The following MMS19 variants were observed in gnomAD, a reference collection of about 807,000 sequenced individuals.
MMS19 encodes MMS19 cytosolic iron-sulfur assembly component.
In MMS19, 77 loss-of-function variants were observed where a neutral mutation model predicts 129.8. The ratio of observed to expected loss-of-function variants is 0.59; its 90% CI spans 0.49 to 0.72. The LOEUF (loss-of-function observed/expected upper bound fraction) is 0.72. Among genes scored for constraint, MMS19 ranks in the 30% least tolerant of loss-of-function variants. MMS19 has a pLI of 0.00. For missense variants in MMS19, 1,168 were observed against 1,266.3 expected, an observed-to-expected ratio of 0.92 and a Z score of 1.18; for synonymous variants, 491 against 502.8, an observed-to-expected ratio of 0.98 and a Z score of 0.31.
intron 1 of MMS19, among the ~76,000 whole-genome samples, chr10:97,490,932 G>A (rs2038757275): frequency 6.6e-6 from 1 of 152,206 alleles, no homozygotes; most frequent in African/African-American, 2.4e-5. Context: ...GGGGGAAGGG[G>A]TAGCAGCCAG....
intron 1 of MMS19, among the ~76,000 whole-genome samples, chr10:97,488,477 C>T (rs1445465238): frequency 6.6e-6 from 1 of 152,168 alleles, no homozygotes; most frequent in Non-Finnish European, 1.5e-5. Flanking sequence ...ACATGAGAGA[C>T]TGGCTCCAGG....
At position 97,477,928 on chromosome 10, in the gene MMS19, C is replaced by T; in HGVS notation, c.350G>A (p.Ser117Asn). Residue 117 changes from serine to asparagine, a missense_variant and splice_region_variant, in exon 5 of 31, where the codon AGC becomes AAC. Transcript: ENST00000438925. ...CCCTGGGGGCAGGGCCACACACAGG[C>T]TCTGGGGGAGAGGAGAAGGTACGTG... The part of the protein sequence containing the change: ...PSVLQGLKAL[S>N]LCVALPPGLA... 1 of 1,594,836 alleles carries T rather than the reference C, an allele frequency of 6.3e-7. No homozygotes were observed. The highest frequency in any genetic ancestry group is 8.5e-7 in the Non-Finnish European group (1 of 1,173,136).
chr10:97,496,542 G>A (rs1000962964), intron 1 of MMS19, among the ~76,000 whole-genome samples: 1 of 150,250 alleles, frequency 6.7e-6, no homozygotes, highest in South Asian at 2.1e-4. Context: ...AGAAGAATTT[G>A]CAGTCCTTAT....
In MMS19 at chr10:97,477,346, C is replaced by A; in HGVS notation, c.493+1G>T. On this transcript the variant is annotated splice_donor_variant, in intron 6 of 30. Transcript: ENST00000438925. LOFTEE classifies it high-confidence loss of function. ...ATTTCCCAGAAAGCTCTGTCTCTTA[C>A]CTTCTTCCCGGGTTCGCATAAAATT... The A allele has an allele frequency of 6.2e-7, 1 of 1,613,968 alleles. No individual in the cohort carries two copies. The highest frequency in any genetic ancestry group is 8.5e-7 in the Non-Finnish European group (1 of 1,179,888).
chr10:97,484,515 T>A (rs2135476209), intron 1 of MMS19, among the ~76,000 whole-genome samples: 1 of 152,180 alleles, frequency 6.6e-6, no homozygotes, highest in South Asian at 2.1e-4. Context: ...TAAAATGATA[T>A]AAGGAAAAAG....
chr10:97,478,892 T>C (rs1392945216), intron 3 of MMS19, among the ~76,000 whole-genome samples: 2 of 152,178 alleles, frequency 1.3e-5, no homozygotes, highest in Non-Finnish European at 2.9e-5. Context: ...TTTATATAGA[T>C]GATATTATAC....
At chr10:97,460,787 ACACT>A (rs1564617150) in intron 24 of MMS19, 36 bp from the exon 25 acceptor site, 1 of 1,574,348 alleles carries the variant, frequency 6.4e-7, no homozygotes, top group South Asian at 1.2e-5. Context: ...TTGGGGAATG[ACACT>A]CAAACCCGAG....
At chr10:97,459,816 G>T in intron 26 of MMS19, 75 bp from the exon 27 acceptor site, 2 of 1,235,822 alleles carry the variant, frequency 1.6e-6, no homozygotes, top group African/African-American at 3.0e-5. Flanking sequence ...CCAATCTGTG[G>T]TGAGGCTGAG....
chr10:97,469,791 G>T, intron 10 of MMS19, 68 bp from the exon 11 acceptor site: 1 of 1,362,466 alleles, frequency 7.3e-7, no homozygotes, highest in Non-Finnish European at 1.0e-6. Flanking sequence ...AGGTACCTCA[G>T]CATAATGGCA....
chr10:97,478,378 T>C lies in MMS19; in HGVS notation c.274A>G (p.Ile92Val). Reference sequence around the variant, plus strand: ...TTCAGCCGGTTCTCATAGAACAGTATCAGGTGTACCACTGCACAAACCAGA... The same window carrying C: ...TTCAGCCGGTTCTCATAGAACAGTACCAGGTGTACCACTGCACAAACCAGA... ...LLLEKEVVHLILFYENRLKDH... is the reference protein window; with the variant it reads ...LLLEKEVVHLVLFYENRLKDH... The change falls in exon 4 of 31, where the codon ATA (isoleucine) becomes GTA (valine). Residue 92 changes from isoleucine to valine, a missense_variant. Transcript: ENST00000438925. The C allele has an allele frequency of 1.2e-6, 2 of 1,604,576 alleles. No homozygotes were observed. The highest frequency in any genetic ancestry group is 1.7e-6 in the Non-Finnish European group (2 of 1,175,534).
chr10:97,459,686 C>T lies in MMS19; in HGVS notation c.2712G>A (p.Lys904=), dbSNP rs1169739436. The change falls in exon 27 of 31, where the codon AAG becomes AAA. Residue 904 remains lysine (K), a synonymous_variant. Transcript: ENST00000438925. ...TGGGCAGCTCTGGCAAGAGTACAGG[C>T]TTGGGCAGCCTGTTAAGTACATGAG... ...GLSHVLNRLP[K]PVLLPELPTL... The T allele has an allele frequency of 1.2e-6, 2 of 1,612,522 alleles. No individual in the cohort carries two copies. The highest frequency in any genetic ancestry group is 1.7e-6 in the Non-Finnish European group (2 of 1,179,326).
intron 1 of MMS19, among the ~76,000 whole-genome samples, chr10:97,497,493 GCCT>G (rs1240228400): frequency 6.6e-6 from 1 of 151,302 alleles, no homozygotes; most frequent in East Asian, 1.9e-4. Context: ...AGATCTGAAG[GCCT>G]CCTAACATTC....
At chr10:97,491,195 G>A (rs1180598189) in intron 1 of MMS19, among the ~76,000 whole-genome samples, 1 of 152,098 alleles carries the variant, frequency 6.6e-6, no homozygotes, top group African/African-American at 2.4e-5. Context: ...AAGCCATAGG[G>A]GACTAACAAC....
intron 16 of MMS19, 34 bp from the exon 17 acceptor site, chr10:97,466,193 C>T: frequency 6.6e-7 from 1 of 1,514,148 alleles, no homozygotes; most frequent in Non-Finnish European, 9.0e-7. Context: ...ATTGGCTGAG[C>T]CTGGGCTCAC....
In MMS19 at chr10:97,478,216, T is replaced by C. The variant is rs999254403; in HGVS notation, c.348+88A>G. 1.2e-5 allele frequency: 13 copies of C among 1,049,848 alleles called. No individual in the cohort carries two copies. In the African/African-American group the frequency reaches 1.6e-4, roughly 13 times the overall value. 65.0% of individuals were successfully genotyped at this position (1,049,848 alleles called of 1,614,324 possible). On this transcript the variant is annotated intron_variant, in intron 4 of 30. Transcript: ENST00000438925. The stretch of plus-strand genomic sequence containing the variant: ...ACACTTGGGCACCTGCTCCTCAGCA[T>C]GTGAACCATCACACCCAAAGCGCAA...
At chr10:97,498,466 T>G (rs3750558), upstream of MMS19, 743,081 of 1,520,368 alleles carry the variant, frequency 0.49, 183,197 homozygotes, top group South Asian at 0.62. Context: ...CGAGCCAATC[T>G]CCGGGGAAGC....
At chr10:97,492,943 A>C (rs1054840772) in intron 1 of MMS19, among the ~76,000 whole-genome samples, 1 of 152,032 alleles carries the variant, frequency 6.6e-6, no homozygotes, top group African/African-American at 2.4e-5. Context: ...GTTAGGGCTT[A>C]AGATAGAAAT....
intron 26 of MMS19, 131 bp downstream of exon 26, chr10:97,459,915 G>C (rs770600993): frequency 1.8e-6 from 2 of 1,082,116 alleles, no homozygotes; most frequent in Admixed American, 2.4e-5. Context: ...CAAGAATCTA[G>C]AAGTTTAGTC....
intron 3 of MMS19, among the ~76,000 whole-genome samples, chr10:97,478,761 T>C (rs774023595): frequency 4.1e-4 from 63 of 152,250 alleles, no homozygotes; most frequent in Admixed American, 9.8e-4. Flanking sequence ...AAAAGTAGCA[T>C]AGACAACAGG....
Sources: allele counts gnomAD v4.1 joint callset (sites outside exome capture counted in the v4.1 genomes callset), GRCh38; gene constraint gnomAD v4.1.1; transcripts MANE v1.5; gene names NCBI Gene and HGNC (gene_info 2026-07-23, HGNC 2026-07-21).